ATL1: variants seen among roughly 807,000 people sequenced by gnomAD.
The protein encoded by ATL1 is atlastin-1.
Under a neutral mutation model 75.5 loss-of-function variants are expected in ATL1, and 31 were observed. That is an observed-to-expected ratio of 0.41 (90% CI 0.31 to 0.55). The LOEUF is 0.55. ATL1 is among the 20% of genes least tolerant of loss of function. The pLI is 0.27. For synonymous variants in ATL1, 226 were observed against 233.3 expected, an observed-to-expected ratio of 0.97 and a Z score of 0.28; for missense variants, 405 against 662.6, an observed-to-expected ratio of 0.61 and a Z score of 4.27.
chr14:50,632,363 G>T lies in ATL1; in HGVS notation c.*24G>T. On this transcript the variant is annotated 3_prime_UTR_variant, in exon 14 of 14. Coordinates refer to ENST00000358385, the MANE Select transcript of ATL1 (RefSeq NM_015915.5). ...AATGCAAATTTTAAGAAATACAGGT[G>T]CATGACCAATTGTCAATTAAATATT... 6.9e-7 allele frequency: 1 copy of T among 1,444,810 alleles called. No homozygotes were observed. 89.5% of individuals were successfully genotyped at this position (1,444,810 alleles called of 1,614,324 possible).
At chr14:50,583,477 C>T (rs757140561) in intron 1 of ATL1, among the ~76,000 whole-genome samples, 1 of 152,092 alleles carries the variant, frequency 6.6e-6, no homozygotes, top group African/African-American at 2.4e-5. Flanking sequence ...TCATAGTTAG[C>T]AACAAAAACT....
intron 3 of ATL1, 106 bp from the exon 4 acceptor site, chr14:50,591,429 G>A (rs2039156907): frequency 9.3e-6 from 7 of 754,030 alleles, no homozygotes; most frequent in South Asian, 8.1e-5. Context: ...ATCTAAAATA[G>A]TATTGATTAA....
At chr14:50,604,552 C>T (rs2039299599) in intron 6 of ATL1, among the ~76,000 whole-genome samples, 1 of 152,042 alleles carries the variant, frequency 6.6e-6, no homozygotes, top group African/African-American at 2.4e-5. Context: ...AGATCTGGAG[C>T]AAGTATTAGA....
At chr14:50,599,049 C>A (rs572704857) in intron 6 of ATL1, among the ~76,000 whole-genome samples, 77 of 149,800 alleles carry the variant, frequency 5.1e-4, no homozygotes, top group African/African-American at 1.7e-3. Flanking sequence ...ATTTATTAGA[C>A]CCTCTAAAAT....
chr14:50,624,339 A>C (rs2039496530), intron 11 of ATL1, among the ~76,000 whole-genome samples: 1 of 151,990 alleles, frequency 6.6e-6, no homozygotes, highest in Non-Finnish European at 1.5e-5. Context: ...CATTTTGGTA[A>C]TTCTCACAAT....
At chr14:50,631,033 C>A (rs1046891092) in intron 13 of ATL1, 7 of 444,904 alleles carry the variant, frequency 1.6e-5, no homozygotes, top group African/African-American at 1.2e-4. Context: ...CTGAGGTGGG[C>A]GGATCACGTT....
chr14:50,569,333 T>C (rs1280792470), intron 1 of ATL1, among the ~76,000 whole-genome samples: 2 of 151,848 alleles, frequency 1.3e-5, no homozygotes, highest in Non-Finnish European at 2.9e-5. Context: ...GCATTCTAGC[T>C]TGGGCAACAG....
At chr14:50,582,048 A>AGGCG (rs1166473171) in intron 1 of ATL1, among the ~76,000 whole-genome samples, 3 of 152,238 alleles carry the variant, frequency 2.0e-5, no homozygotes, top group African/African-American at 7.2e-5. Context: ...TGGGAGGCCG[A>AGGCG]GGCGGGCGGA....
chr14:50,625,901 CA>C lies in ATL1; in HGVS notation c.1120-2118del, dbSNP rs201406132. On this transcript the variant is annotated intron_variant, in intron 11 of 13. Transcript: ENST00000358385. ...CTGGGTGACAGAGTGAGACCCGTCT[CA>C]AAAAAAAAAAAGAAAAAAAAAATCA... 3.9e-4 allele frequency among the ~76,000 whole-genome samples: 51 copies of C among 131,418 alleles called. 1 individual carries two copies. The highest frequency in any genetic ancestry group is 8.8e-4 in the African/African-American group (30 of 33,908). The allele number at this position is 131,418 out of a possible 152,430, so 86.2% of individuals were successfully genotyped here.
At chr14:50,595,523 TC>T (rs1354262461) in intron 5 of ATL1, 52 bp from the exon 6 acceptor site, 7 of 1,213,334 alleles carry the variant, frequency 5.8e-6, no homozygotes, top group South Asian at 1.6e-5. Context: ...TAAAGTTCTC[TC>T]TCTCTCTCTC....
chr14:50,581,878 T>G (rs1433593698), intron 1 of ATL1, among the ~76,000 whole-genome samples: 2 of 152,200 alleles, frequency 1.3e-5, no homozygotes, highest in African/African-American at 4.8e-5. Flanking sequence ...TGTCTGAATT[T>G]TAAGGCAGTG....
intron 10 of ATL1, among the ~76,000 whole-genome samples, chr14:50,622,307 T>C (rs1315318491): frequency 6.6e-6 from 1 of 152,152 alleles, no homozygotes; most frequent in African/African-American, 2.4e-5. Context: ...GGCAGGAGGA[T>C]CACTTGAGCC....
chr14:50,549,042 G>A (rs1481857223), intron 1 of ATL1, among the ~76,000 whole-genome samples: 1 of 152,058 alleles, frequency 6.6e-6, no homozygotes, highest in Non-Finnish European at 1.5e-5. Context: ...ACAACAAAGG[G>A]GTGCCCTGTG....
At chr14:50,547,618 C>T (rs1200219201) in intron 1 of ATL1, among the ~76,000 whole-genome samples, 1 of 152,162 alleles carries the variant, frequency 6.6e-6, no homozygotes, top group East Asian at 1.9e-4. Flanking sequence ...GCCAGAACCC[C>T]TATAACAGCC....
chr14:50,573,996 G>C (rs941706851), intron 1 of ATL1, among the ~76,000 whole-genome samples: 1 of 152,118 alleles, frequency 6.6e-6, no homozygotes, highest in African/African-American at 2.4e-5. Flanking sequence ...TGGTACTACT[G>C]AGCTGGGGTA....
At chr14:50,580,987 CATA>C (rs1216309661) in intron 1 of ATL1, among the ~76,000 whole-genome samples, 1 of 151,874 alleles carries the variant, frequency 6.6e-6, no homozygotes, top group Non-Finnish European at 1.5e-5. Context: ...TAAAATTACT[CATA>C]ATATCCCCAT....
At chr14:50,573,140 A>G (rs2038969779) in intron 1 of ATL1, among the ~76,000 whole-genome samples, 1 of 152,186 alleles carries the variant, frequency 6.6e-6, no homozygotes, top group South Asian at 2.1e-4. Flanking sequence ...GGAAATTACA[A>G]TTCGGATTAC....
At chr14:50,539,734 G>A (rs180848800) in intron 1 of ATL1, among the ~76,000 whole-genome samples, 1 of 152,364 alleles carries the variant, frequency 6.6e-6, no homozygotes, top group East Asian at 1.9e-4. Flanking sequence ...TGAAGAAGTT[G>A]TAGGATCTTG....
At chr14:50,562,307 G>A (rs181970911) in intron 1 of ATL1, among the ~76,000 whole-genome samples, 1 of 152,188 alleles carries the variant, frequency 6.6e-6, no homozygotes, top group African/African-American at 2.4e-5. Flanking sequence ...GCCTCCCAAA[G>A]TGCTGGGATT....
Sources: allele counts gnomAD v4.1 joint callset (sites outside exome capture counted in the v4.1 genomes callset), GRCh38; gene constraint gnomAD v4.1.1; transcripts MANE v1.5; gene names NCBI Gene and HGNC (gene_info 2026-07-23, HGNC 2026-07-21).